GFRA1: variants seen among roughly 807,000 people sequenced by gnomAD.
The protein encoded by GFRA1 is GDNF family receptor alpha-1.
In GFRA1, 16 loss-of-function variants were observed where a neutral mutation model predicts 51.6. The ratio of observed to expected loss-of-function variants is 0.31; its 90% CI spans 0.21 to 0.47. The LOEUF (loss-of-function observed/expected upper bound fraction) is 0.47. Ranked by LOEUF, GFRA1 falls within the 20% of genes least tolerant of loss-of-function variation. GFRA1 has a pLI of 1.00. For synonymous variants in GFRA1, 270 were observed against 241.3 expected (o/e 1.12, Z -1.10); for missense variants, 530 against 594.3 (o/e 0.89, Z 1.13).
intron 9 of GFRA1, among the ~76,000 whole-genome samples, chr10:116,079,450 C>T (rs1021982633): frequency 1.1e-4 from 17 of 151,784 alleles, no homozygotes; most frequent in African/African-American, 2.7e-4. Context: ...GGAAGAAACA[C>T]GAGGATTCTC....
At chr10:116,103,118 A>C (rs1956880366) in intron 6 of GFRA1, among the ~76,000 whole-genome samples, 1 of 152,128 alleles carries the variant, frequency 6.6e-6, no homozygotes, top group African/African-American at 2.4e-5. Context: ...AAATTATTCA[A>C]CTTCTCCAAG....
intron 5 of GFRA1, among the ~76,000 whole-genome samples, chr10:116,163,407 T>C (rs1252015794): frequency 1.3e-5 from 2 of 152,220 alleles, no homozygotes; most frequent in African/African-American, 4.8e-5. Flanking sequence ...TTGAATATGT[T>C]GTTGGGAAAC....
At chr10:116,131,609 T>C (rs934035397) in intron 5 of GFRA1, among the ~76,000 whole-genome samples, 4 of 151,990 alleles carry the variant, frequency 2.6e-5, no homozygotes, top group African/African-American at 4.8e-5. Flanking sequence ...ATACACAAAA[T>C]AGCATGGATG....
chr10:116,058,040 G>GTGTGTGTA lies in GFRA1; in HGVS notation c.*6357_*6358insTACACACA, dbSNP rs1416647949. ...TGTGTGTGTGTGTGTGTGTGTGTGT[G>GTGTGTGTA]TGACAGAGAGAACCACGCTTTATTG... On this transcript the variant is annotated 3_prime_UTR_variant, in exon 11 of 11. Coordinates refer to ENST00000355422, the MANE Select transcript of GFRA1 (RefSeq NM_005264.8). The GTGTGTGTA allele has an allele frequency of 1.0e-3, 141 of 141,436 alleles. 3 individuals are homozygous for GTGTGTGTA. Among genetic ancestry groups the GTGTGTGTA allele is most frequent in the African/African-American group, 3.5e-3 (131 of 37,534 alleles). The allele number at this position is 141,436 out of a possible 1,614,324, so 8.8% of individuals were successfully genotyped here. A position where few individuals can be genotyped will look rare whatever the true frequency, so the allele number is the denominator to read the frequency against.
rs760815890 is a variant in GFRA1, at chr10:116,096,637, G to A, written c.880+18C>T. 1.5e-6 allele frequency: 2 copies of A among 1,363,602 alleles called. No homozygotes were observed. The highest frequency in any genetic ancestry group is 2.1e-6 in the Non-Finnish European group (2 of 953,218). The allele number at this position is 1,363,602 out of a possible 1,614,324, so 84.5% of individuals were successfully genotyped here. A position where few individuals can be genotyped will look rare whatever the true frequency, so the allele number is the denominator to read the frequency against. Reference sequence around the variant, plus strand: ...GCAAACCACACTCTTCTCCCATCCTGCTTCTCTCGGATCTTACCAATAAGC... The same window carrying A: ...GCAAACCACACTCTTCTCCCATCCTACTTCTCTCGGATCTTACCAATAAGC... On this transcript the variant is annotated intron_variant, in intron 7 of 10. Coordinates refer to ENST00000355422, the MANE Select transcript of GFRA1 (RefSeq NM_005264.8).
At chr10:116,083,583 C>T (rs991641289) in intron 9 of GFRA1, among the ~76,000 whole-genome samples, 4 of 152,190 alleles carry the variant, frequency 2.6e-5, no homozygotes, top group Non-Finnish European at 2.9e-5. Context: ...TACAGAACAC[C>T]CATTGGCAGC....
chr10:116,166,027 T>C (rs1960362309), intron 5 of GFRA1, among the ~76,000 whole-genome samples: 1 of 152,218 alleles, frequency 6.6e-6, no homozygotes, highest in Admixed American at 6.5e-5. Flanking sequence ...TAGCTCCCAC[T>C]TACAAGTGAG....
intron 4 of GFRA1, among the ~76,000 whole-genome samples, chr10:116,221,554 A>C (rs1284048044): frequency 3.3e-5 from 5 of 152,024 alleles, no homozygotes; most frequent in Non-Finnish European, 1.5e-5. Flanking sequence ...CCTCCCAAGT[A>C]GCTGGCATTA....
intron 4 of GFRA1, among the ~76,000 whole-genome samples, chr10:116,251,630 T>C (rs2134696290): frequency 6.6e-6 from 1 of 152,312 alleles, no homozygotes; most frequent in East Asian, 1.9e-4. Flanking sequence ...ATGCCAGCCT[T>C]CCAGGAGTTT....
chr10:116,256,514 T>G (rs1201312096), intron 4 of GFRA1, among the ~76,000 whole-genome samples: 3 of 152,072 alleles, frequency 2.0e-5, no homozygotes, highest in Non-Finnish European at 4.4e-5. Context: ...GGGTGCAGGG[T>G]AGGACACACA....
Position 116,065,624 on chromosome 10 carries a change from T to C in GFRA1, c.1200A>G (p.Ala400=), listed in dbSNP as rs2133768919. The C allele has an allele frequency of 6.2e-7, 1 of 1,612,910 alleles. No individual in the cohort carries two copies. Among genetic ancestry groups the C allele is most frequent in the South Asian group, 1.1e-5 (1 of 91,030 alleles). ...HVLPPCANLQ[A]QKLKSNVSGN... Reference sequence around the variant, plus strand: ...CCGACACATTGGATTTCAGCTTCTGTGCCTGGAGAGGGACAAGAAAAAAAA... The same window carrying C: ...CCGACACATTGGATTTCAGCTTCTGCGCCTGGAGAGGGACAAGAAAAAAAA... The change falls in exon 10 of 11, where the codon GCA becomes GCG. Residue 400 remains alanine (A), a splice_region_variant and synonymous_variant. Transcript: ENST00000355422.
At chr10:116,213,023 A>T (rs1334007286) in intron 4 of GFRA1, among the ~76,000 whole-genome samples, 1 of 152,218 alleles carries the variant, frequency 6.6e-6, no homozygotes, top group Non-Finnish European at 1.5e-5. Flanking sequence ...GCAGAGATAC[A>T]GACAGTACCA....
intron 4 of GFRA1, among the ~76,000 whole-genome samples, chr10:116,244,469 TATA>T (rs1370278163): frequency 6.8e-6 from 1 of 147,318 alleles, no homozygotes; most frequent in Non-Finnish European, 1.5e-5. Context: ...AATTTTAATA[TATA>T]ATAAATTTTA....
rs111623262 is a variant in GFRA1, at chr10:116,180,815, C to T, written c.433+30816G>A. On this transcript the variant is annotated intron_variant, in intron 5 of 10. Coordinates refer to ENST00000355422, the MANE Select transcript of GFRA1 (RefSeq NM_005264.8). ...ACCCCTCCACCACCCCTCCAAATAA[C>T]GTTCTTTCTAGACCCTTCTATAAGC... 2.8e-4 allele frequency among the ~76,000 whole-genome samples: 43 copies of T among 152,302 alleles called. 1 individual carries two copies. Among genetic ancestry groups the T allele is most frequent in the African/African-American group, 9.4e-4 (39 of 41,572 alleles).
chr10:116,072,715 C>T (rs758969753), intron 9 of GFRA1, among the ~76,000 whole-genome samples: 3 of 152,066 alleles, frequency 2.0e-5, no homozygotes, highest in Non-Finnish European at 4.4e-5. Context: ...GAGTTGAGAT[C>T]ACACCACTGC....
intron 7 of GFRA1, among the ~76,000 whole-genome samples, chr10:116,094,506 A>C (rs1956493414): frequency 6.6e-6 from 1 of 152,140 alleles, no homozygotes; most frequent in Non-Finnish European, 1.5e-5. Context: ...TTGTCGTGAT[A>C]TTTCTGATGA....
At chr10:116,076,704 T>G (rs574781170) in intron 9 of GFRA1, among the ~76,000 whole-genome samples, 3 of 152,304 alleles carry the variant, frequency 2.0e-5, no homozygotes, top group African/African-American at 7.2e-5. Flanking sequence ...AACATGGCTC[T>G]GAGCCAGAGC....
At chr10:116,271,923 G>A in intron 2 of GFRA1, 67 bp downstream of exon 2, 1 of 1,256,418 alleles carries the variant, frequency 8.0e-7, no homozygotes, top group Non-Finnish European at 1.1e-6. Context: ...AGGGCGGGGT[G>A]GGCTGCTGCA....
intron 6 of GFRA1, among the ~76,000 whole-genome samples, chr10:116,113,793 C>T (rs2133976850): frequency 6.6e-6 from 1 of 152,300 alleles, no homozygotes; most frequent in Non-Finnish European, 1.5e-5. Flanking sequence ...TTCAAGATCT[C>T]ACCTCCTCAT....
Sources: gnomAD v4.1 joint callset for allele counts (sites outside exome capture counted in the v4.1 genomes callset) on GRCh38, gnomAD v4.1.1 for gene constraint, MANE v1.5 for transcripts, NCBI Gene and HGNC (gene_info 2026-07-23, HGNC 2026-07-21) for gene names.